The following FBXL2 variants were observed in gnomAD, a reference collection of about 807,000 sequenced individuals.
FBXL2 encodes the protein F-box and leucine rich repeat protein 2, also known as F-box/LRR-repeat protein 2.
In FBXL2, 38 loss-of-function variants were observed where a neutral mutation model predicts 69.2. The observed-to-expected ratio is 0.55, with a 90% confidence interval of 0.42 to 0.72. The LOEUF is 0.72. Among genes scored for constraint, FBXL2 ranks in the 30% least tolerant of loss-of-function variants. FBXL2 has a pLI of 0.00. For synonymous variants in FBXL2, 192 were observed against 201.3 expected (o/e 0.95, Z 0.39); for missense variants, 354 against 520.3 (o/e 0.68, Z 3.11).
intron 5 of FBXL2, among the ~76,000 whole-genome samples, chr3:33,365,541 G>A (rs887578424): frequency 1.3e-5 from 2 of 152,116 alleles, no homozygotes; most frequent in African/African-American, 2.4e-5. Context: ...AAAGTGCTGG[G>A]ATTACAGGTG....
the FBXL2 span, among the ~76,000 whole-genome samples, chr3:33,413,087 T>C: frequency 6.6e-6 from 1 of 152,218 alleles, no homozygotes; most frequent in African/African-American, 2.4e-5. Flanking sequence ...TGATTTGTTA[T>C]TGCAATTCAA....
At chr3:33,394,814 CTTGTTT>C (rs770661786) in intron 12 of FBXL2, among the ~76,000 whole-genome samples, 11 of 122,104 alleles carry the variant, frequency 9.0e-5, no homozygotes, top group Non-Finnish European at 1.1e-4. Flanking sequence ...CTGCCCTCCA[CTTGTTT>C]TTTTTTTTTT....
chr3:33,360,251 G>A (rs1051932443), intron 4 of FBXL2, among the ~76,000 whole-genome samples: 9 of 152,096 alleles, frequency 5.9e-5, no homozygotes, highest in East Asian at 5.8e-4. Context: ...GGAAATGAAT[G>A]TGTTTAACAG....
At chr3:33,370,141 G>A (rs538447364) in intron 5 of FBXL2, among the ~76,000 whole-genome samples, 1 of 151,996 alleles carries the variant, frequency 6.6e-6, no homozygotes, top group Non-Finnish European at 1.5e-5. Context: ...TGGGCCAGGT[G>A]CAGTGGCTCA....
At chr3:33,287,560 C>G (rs924449554) in intron 1 of FBXL2, among the ~76,000 whole-genome samples, 12 of 152,154 alleles carry the variant, frequency 7.9e-5, no homozygotes, top group African/African-American at 2.9e-4. Flanking sequence ...ACTGCAACTT[C>G]GAATTCTTGG....
downstream of FBXL2, chr3:33,392,559 G>C (rs1453831806): frequency 1.9e-6 from 3 of 1,609,682 alleles, no homozygotes; most frequent in Non-Finnish European, 2.5e-6. Context: ...CACATGCAAA[G>C]TACCTTTTAC....
chr3:33,388,262 C>T (rs1409861331), downstream of FBXL2: 3 of 152,384 alleles, frequency 2.0e-5, no homozygotes, highest in African/African-American at 7.2e-5. Flanking sequence ...GCTCAGAATA[C>T]ACACAGGGAA....
intron 1 of FBXL2, among the ~76,000 whole-genome samples, chr3:33,290,312 C>T (rs1415630104): frequency 6.6e-6 from 1 of 152,184 alleles, no homozygotes; most frequent in Non-Finnish European, 1.5e-5. Flanking sequence ...CCCAGTTTCC[C>T]AGCAACTTAA....
downstream of FBXL2, chr3:33,388,971 A>T (rs762732294): frequency 6.6e-6 from 1 of 152,204 alleles, no homozygotes; most frequent in Non-Finnish European, 1.5e-5. Context: ...GGGTATATGG[A>T]CAAAGATATC....
chr3:33,394,032 T>C (rs1426724655), intron 12 of FBXL2, among the ~76,000 whole-genome samples: 3 of 152,012 alleles, frequency 2.0e-5, no homozygotes, highest in Non-Finnish European at 4.4e-5. Flanking sequence ...TGTTTATTTT[T>C]TTAAGACAGT....
intron 1 of FBXL2, among the ~76,000 whole-genome samples, chr3:33,292,546 A>C (rs1258786440): frequency 1.3e-5 from 2 of 151,820 alleles, no homozygotes; most frequent in East Asian, 3.8e-4. Context: ...AAAAGTCAGT[A>C]AGGATATAAA....
At position 33,378,669 on chromosome 3, in the gene FBXL2, G is replaced by A. The variant is rs774281873; in HGVS notation, c.895-16G>A. ...CTGGTGTAGAAGCCACACTGACACA[G>A]CATGTTTCTCTCCAGATAACCGACA... On this transcript the variant is annotated splice_polypyrimidine_tract_variant and intron_variant, in intron 12 of 14. Coordinates refer to ENST00000484457, the MANE Select transcript of FBXL2 (RefSeq NM_012157.5). The A allele has an allele frequency of 3.7e-6, 6 of 1,610,354 alleles. No individual in the cohort carries two copies. Among genetic ancestry groups the A allele is most frequent in the Non-Finnish European group, 1.7e-6 (2 of 1,178,660 alleles).
chr3:33,306,012 C>T (rs745427293), intron 2 of FBXL2, among the ~76,000 whole-genome samples: 36 of 151,778 alleles, frequency 2.4e-4, no homozygotes, highest in Non-Finnish European at 3.1e-4. Context: ...ATTGTTTCTT[C>T]GTTTCTATTT....
chr3:33,355,912 T>G (rs2041168776), intron 2 of FBXL2, among the ~76,000 whole-genome samples: 1 of 152,210 alleles, frequency 6.6e-6, no homozygotes, highest in Non-Finnish European at 1.5e-5. Context: ...TTGGCTTTGG[T>G]GTCAGTGTGG....
chr3:33,399,838 C>T (rs1024875595), intron 12 of FBXL2, among the ~76,000 whole-genome samples: 2 of 151,904 alleles, frequency 1.3e-5, no homozygotes, highest in Admixed American at 6.6e-5. Flanking sequence ...AAGAGTACAC[C>T]GAAATATCAC....
chr3:33,350,951 CA>C (rs1309916183), intron 2 of FBXL2, among the ~76,000 whole-genome samples: 4 of 150,332 alleles, frequency 2.7e-5, no homozygotes, highest in African/African-American at 9.7e-5. Context: ...AAAGAATTGA[CA>C]AAAAAAAATA....
chr3:33,345,284 C>G (rs906411629), intron 2 of FBXL2, among the ~76,000 whole-genome samples: 2 of 152,154 alleles, frequency 1.3e-5, no homozygotes, highest in Non-Finnish European at 2.9e-5. Context: ...CTCAAGATCC[C>G]TAACTTAATT....
intron 1 of FBXL2, among the ~76,000 whole-genome samples, chr3:33,285,516 G>A (rs2125681171): frequency 6.6e-6 from 1 of 152,184 alleles, no homozygotes; most frequent in South Asian, 2.1e-4. Context: ...ACAATTATGT[G>A]TCTTGGTATT....
intron 14 of FBXL2, among the ~76,000 whole-genome samples, chr3:33,384,665 A>G (rs952813024): frequency 6.6e-6 from 1 of 152,226 alleles, no homozygotes. Flanking sequence ...GTTCTTGCTT[A>G]GACTCCACCC....
Sources: allele counts gnomAD v4.1 joint callset (sites outside exome capture counted in the v4.1 genomes callset), GRCh38; gene constraint gnomAD v4.1.1; transcripts MANE v1.5; gene names NCBI Gene and HGNC (gene_info 2026-07-23, HGNC 2026-07-21).